The following FYB1 variants were observed in gnomAD, a reference collection of about 807,000 sequenced individuals.
The protein encoded by FYB1 is FYN-binding protein 1.
FYB1 carries 41 observed loss-of-function variants against 94.1 expected under a neutral mutation model. The ratio of observed to expected loss-of-function variants is 0.44; its 90% CI spans 0.34 to 0.57. The LOEUF is 0.57. Among genes scored for constraint, FYB1 ranks in the 20% least tolerant of loss-of-function variants. The pLI is 0.02. For synonymous variants in FYB1, 367 were observed against 353.2 expected (o/e 1.04, Z -0.44); for missense variants, 1,050 against 976.8 (o/e 1.07, Z -1.00).
rs578026435 is a variant in FYB1 at position 39,219,563 on chromosome 5, C to A, written c.-148G>T. On this transcript the variant is annotated 5_prime_UTR_variant, in exon 1 of 19. Transcript: ENST00000512982. ...CTCTGCATGTGGAACTCAAGAACTG[C>A]GGAGCTTTCTGATGCCTGGCAGGGT... The A allele has an allele frequency of 1.0e-6, 1 of 985,422 alleles. No individual in the cohort carries two copies. The highest frequency in any genetic ancestry group is 1.2e-6 in the Non-Finnish European group (1 of 829,956). The allele number at this position is 985,422 out of a possible 1,614,324, so 61.0% of individuals were successfully genotyped here. A position where few individuals can be genotyped will look rare whatever the true frequency, so the allele number is the denominator to read the frequency against.
chr5:39,195,546 T>C (rs763108085), intron 2 of FYB1, among the ~76,000 whole-genome samples: 1 of 152,194 alleles, frequency 6.6e-6, no homozygotes, highest in Non-Finnish European at 1.5e-5. Context: ...CATACACAGA[T>C]GAGGAGGGGG....
intron 2 of FYB1, among the ~76,000 whole-genome samples, chr5:39,199,750 G>C (rs1356107534): frequency 3.3e-5 from 5 of 152,132 alleles, no homozygotes; most frequent in African/African-American, 9.7e-5. Flanking sequence ...TGGGGTAGGG[G>C]CTGGAAAGAC....
At chr5:39,145,056 G>T (rs947463791) in intron 3 of FYB1, among the ~76,000 whole-genome samples, 1 of 152,100 alleles carries the variant, frequency 6.6e-6, no homozygotes, top group African/African-American at 2.4e-5. Flanking sequence ...AAGTGGGTGA[G>T]GGTATAGATA....
At position 39,127,783 on chromosome 5, in the gene FYB1, T is replaced by A; in HGVS notation, c.1865A>T (p.Asp622Val). The change falls in exon 11 of 19, where the codon GAT (aspartate) becomes GTT (valine). Residue 622 changes from aspartate (D) to valine (V), a missense_variant. Asp to Val is a radical substitution (Grantham distance 152, BLOSUM62 -3). Transcript: ENST00000512982. The stretch of plus-strand genomic sequence containing the variant: ...CTCTTCAATCCCATCATAAATGTCA[T>A]CATCTGGTGGTGGAGGGAATATCCC... ...SGGIFPPPPD[D>V]DIYDGIEEED... is the part of the protein sequence containing the mutation. 6.2e-7 allele frequency: 1 copy of A among 1,604,872 alleles called. No individual in the cohort carries two copies. The highest frequency in any genetic ancestry group is 1.1e-5 in the South Asian group (1 of 89,390).
At chr5:39,209,740 C>T (rs1189466912) in intron 1 of FYB1, among the ~76,000 whole-genome samples, 1 of 152,184 alleles carries the variant, frequency 6.6e-6, no homozygotes, top group Non-Finnish European at 1.5e-5. Context: ...ATTCCCTCCC[C>T]GGCAAACAAG....
chr5:39,126,094 C>G lies in FYB1; in HGVS notation c.1949G>C (p.Trp650Ser). Residue 650 changes from tryptophan to serine, a missense_variant, in exon 12 of 19, where the codon TGG (tryptophan) becomes TCG (serine). Coordinates refer to ENST00000512982, the MANE Select transcript of FYB1 (RefSeq NM_001465.6). ...TCCCTTTAACATCTTCAAAATCCCC[C>G]AGGACCACGTATTACTCTTCTCTTG... ...QVQEKSNTWS[W>S]GILKMLKGKD... The G allele has an allele frequency of 6.2e-7, 1 of 1,613,520 alleles. No individual in the cohort carries two copies. The highest frequency in any genetic ancestry group is 8.5e-7 in the Non-Finnish European group (1 of 1,179,652).
chr5:39,270,869 T>C, intron 1 of FYB1: 1 of 371,210 alleles, frequency 2.7e-6, no homozygotes, highest in South Asian at 8.8e-5. Flanking sequence ...TACCTAGATA[T>C]TAAATTTTGC....
At chr5:39,153,634 T>A in intron 2 of FYB1, 30 bp from the exon 3 acceptor site, 2 of 1,563,020 alleles carry the variant, frequency 1.3e-6, no homozygotes, top group South Asian at 2.4e-5. Flanking sequence ...ATACCATGAA[T>A]TAAGACAAAT....
intron 2 of FYB1, among the ~76,000 whole-genome samples, chr5:39,200,733 A>G (rs1748234287): frequency 6.6e-6 from 1 of 152,194 alleles, no homozygotes; most frequent in African/African-American, 2.4e-5. Context: ...GGAAGATAAC[A>G]TATCGCAAGA....
intron 18 of FYB1, 37 bp downstream of exon 18, chr5:39,108,194 A>T: frequency 6.7e-7 from 1 of 1,484,674 alleles, no homozygotes; most frequent in Non-Finnish European, 9.2e-7. Context: ...TAAATTCACT[A>T]TGACTGTTCT....
chr5:39,207,235 T>A (rs1748940978), intron 1 of FYB1, among the ~76,000 whole-genome samples: 1 of 152,266 alleles, frequency 6.6e-6, no homozygotes, highest in South Asian at 2.1e-4. Flanking sequence ...TTATTATTTC[T>A]ACCTGCTATG....
In FYB1 at chr5:39,134,835, A is replaced by G. The variant is rs761543941; in HGVS notation, c.1675+20T>C. 4 of 1,613,032 alleles carry G rather than the reference A, an allele frequency of 2.5e-6. No individual in the cohort carries two copies. The South Asian group carries it at 4.4e-5, about 18-fold the overall frequency. ...CTCGCAAAGAAAATACTTCGAAGCC[A>G]TAGAGAAATTTGCACTCACATGAAC... is the stretch of plus-strand genomic sequence containing the variant. On this transcript the variant is annotated intron_variant, in intron 8 of 18. Transcript: ENST00000512982.
intron 1 of FYB1, among the ~76,000 whole-genome samples, chr5:39,235,862 C>G (rs1441826644): frequency 6.6e-6 from 1 of 151,980 alleles, no homozygotes; most frequent in Non-Finnish European, 1.5e-5. Flanking sequence ...TGCAATAGGA[C>G]TCTTTTGTAG....
chr5:39,110,796 G>T (rs1227024790), intron 16 of FYB1: 3 of 370,664 alleles, frequency 8.1e-6, no homozygotes, highest in Non-Finnish European at 1.5e-5. Flanking sequence ...CCAGATCTAA[G>T]ACTTACTTTC....
intron 1 of FYB1, among the ~76,000 whole-genome samples, chr5:39,230,110 GA>G (rs1343249691): frequency 6.6e-6 from 1 of 152,136 alleles, no homozygotes; most frequent in Non-Finnish European, 1.5e-5. Flanking sequence ...CATATCCCAG[GA>G]ACTGTGAATA....
upstream of FYB1, among the ~76,000 whole-genome samples, chr5:39,220,021 T>C (rs73072540): frequency 0.013 from 1,974 of 152,262 alleles, 35 homozygotes; most frequent in African/African-American, 0.042. Context: ...CACTCATGTG[T>C]GGAAAGCCCA....
At chr5:39,266,596 T>C (rs575136206) in intron 1 of FYB1, among the ~76,000 whole-genome samples, 32 of 152,272 alleles carry the variant, frequency 2.1e-4, no homozygotes, top group African/African-American at 7.2e-4. Context: ...GCTCCCTTCC[T>C]GGACAGTTCA....
intron 1 of FYB1, among the ~76,000 whole-genome samples, chr5:39,237,137 T>C (rs1375500485): frequency 6.6e-6 from 1 of 152,068 alleles, no homozygotes; most frequent in Non-Finnish European, 1.5e-5. Context: ...GACAAAACAA[T>C]TTGGGTTTGA....
intron 2 of FYB1, among the ~76,000 whole-genome samples, chr5:39,185,898 AC>A (rs1746741546): frequency 6.6e-6 from 1 of 152,006 alleles, no homozygotes; most frequent in South Asian, 2.1e-4. Context: ...ACAGCCGGGC[AC>A]TTTTGACTTC....
Sources: gnomAD v4.1 joint callset for allele counts (sites outside exome capture counted in the v4.1 genomes callset) on GRCh38, gnomAD v4.1.1 for gene constraint, MANE v1.5 for transcripts, NCBI Gene and HGNC (gene_info 2026-07-23, HGNC 2026-07-21) for gene names.